CDC42BPB: variants seen among roughly 807,000 people sequenced by gnomAD.
The protein encoded by CDC42BPB is CDC42 binding protein kinase beta.
CDC42BPB carries 37 observed loss-of-function variants against 214.9 expected under a neutral mutation model. The ratio of observed to expected loss-of-function variants is 0.17; its 90% CI spans 0.13 to 0.23. The LOEUF (loss-of-function observed/expected upper bound fraction) is 0.23. CDC42BPB is among the 10% of genes least tolerant of loss of function. CDC42BPB has a pLI of 1.00. For missense variants in CDC42BPB, 1,694 were observed against 2,227.0 expected (o/e 0.76, Z 4.82); for synonymous variants, 931 against 884.0 (o/e 1.05, Z -0.94).
intron 1 of CDC42BPB, among the ~76,000 whole-genome samples, chr14:103,027,533 A>G (rs910287328): frequency 6.6e-6 from 1 of 152,264 alleles, no homozygotes; most frequent in African/African-American, 2.4e-5. Context: ...GAATACTACT[A>G]TTCAGCCAGA....
intron 1 of CDC42BPB, among the ~76,000 whole-genome samples, chr14:103,015,917 T>C (rs1246012797): frequency 6.6e-6 from 1 of 151,690 alleles, no homozygotes; most frequent in Non-Finnish European, 1.5e-5. Context: ...AGGGTTTCAC[T>C]ATGTTACCCA....
At chr14:102,968,096 A>G (rs561159354) in intron 16 of CDC42BPB, among the ~76,000 whole-genome samples, 157 bp downstream of exon 16, 1 of 150,738 alleles carries the variant, frequency 6.6e-6, no homozygotes, top group African/African-American at 2.4e-5. Flanking sequence ...CTCCATCTCA[A>G]AAAAAAAAAA....
chr14:103,050,170 G>C (rs1888523306), intron 1 of CDC42BPB, among the ~76,000 whole-genome samples: 1 of 152,242 alleles, frequency 6.6e-6, no homozygotes, highest in Admixed American at 6.5e-5. Flanking sequence ...GTTTGAGACT[G>C]ATCTGGCAGA....
At chr14:102,973,937 C>T in intron 12 of CDC42BPB, 79 bp downstream of exon 12, 5 of 1,491,966 alleles carry the variant, frequency 3.4e-6, no homozygotes, top group Non-Finnish European at 4.5e-6. Context: ...AAGAGGTCTT[C>T]CATCATCGGC....
At chr14:103,000,876 G>A (rs909442989) in intron 4 of CDC42BPB, among the ~76,000 whole-genome samples, 8 of 152,114 alleles carry the variant, frequency 5.3e-5, no homozygotes, top group African/African-American at 1.2e-4. Flanking sequence ...GGATGGGCCC[G>A]GGGTCTCCCA....
chr14:102,995,756 C>T (rs566529111), intron 5 of CDC42BPB, among the ~76,000 whole-genome samples: 68 of 152,362 alleles, frequency 4.5e-4, no homozygotes, highest in African/African-American at 1.6e-3. Flanking sequence ...GGGCTCCAAA[C>T]CATGCTGTAA....
Position 103,008,460 on chromosome 14 carries a change from C to G in CDC42BPB, c.351+12G>C. 6.4e-7 allele frequency: 1 copy of G among 1,561,066 alleles called. No individual in the cohort carries two copies. The highest frequency in any genetic ancestry group is 8.8e-7 in the Non-Finnish European group (1 of 1,131,588). Reference sequence around the variant, plus strand: ...AGCCCCATTTGTATGGCTTTTCAAGCTCCATACTTACCTCTGCTCTTTTCA... The same window carrying G: ...AGCCCCATTTGTATGGCTTTTCAAGGTCCATACTTACCTCTGCTCTTTTCA... On this transcript the variant is annotated intron_variant, in intron 3 of 36. Coordinates refer to ENST00000361246, the MANE Select transcript of CDC42BPB (RefSeq NM_006035.4).
At chr14:102,974,750 G>T (rs1272073972) in intron 11 of CDC42BPB, among the ~76,000 whole-genome samples, 2 of 152,172 alleles carry the variant, frequency 1.3e-5, no homozygotes, top group Non-Finnish European at 2.9e-5. Context: ...GAGGTCAGGA[G>T]ATCGAGACCA....
In CDC42BPB at chr14:103,008,525, G is replaced by A. The variant is rs2139628971; in HGVS notation, c.298C>T (p.Arg100Ter). ...VAVVKMKNTE[R>*]IYAMKILNKW... ...TTGAGGATTTTCATTGCATAAATTC[G>A]TTCAGTATTCTTCATTTTGACAACA... Residue 100 changes from arginine (R) to a stop codon, truncating the protein, a stop_gained, in exon 3 of 37, where the codon CGA becomes TGA. Coordinates refer to ENST00000361246, the MANE Select transcript of CDC42BPB (RefSeq NM_006035.4). LOFTEE classifies it high-confidence loss of function. 6.2e-7 allele frequency: 1 copy of A among 1,612,196 alleles called. No individual in the cohort carries two copies. Among genetic ancestry groups the A allele is most frequent in the Non-Finnish European group, 8.5e-7 (1 of 1,178,224 alleles).
intron 1 of CDC42BPB, among the ~76,000 whole-genome samples, chr14:103,020,877 A>C (rs1312077831): frequency 6.6e-6 from 1 of 152,238 alleles, no homozygotes; most frequent in African/African-American, 2.4e-5. Flanking sequence ...ATTACACAAA[A>C]TGTGTTTTCT....
At chr14:103,053,640 T>G (rs1037300598) in intron 1 of CDC42BPB, among the ~76,000 whole-genome samples, 1 of 149,784 alleles carries the variant, frequency 6.7e-6, no homozygotes, top group East Asian at 2.1e-4. Flanking sequence ...CGGGCGCCTG[T>G]AGTCCCAGCT....
chr14:103,012,274 TTA>T (rs926310748), intron 1 of CDC42BPB, 86 bp from the exon 2 acceptor site: 3 of 1,480,822 alleles, frequency 2.0e-6, no homozygotes, highest in African/African-American at 2.9e-5. Flanking sequence ...TTGCACTAAG[TTA>T]TACTTTTAAA....
chr14:103,019,060 T>C (rs1216230595), intron 1 of CDC42BPB, among the ~76,000 whole-genome samples: 3 of 152,166 alleles, frequency 2.0e-5, no homozygotes, highest in Admixed American at 6.5e-5. Flanking sequence ...CTTCCCACCT[T>C]GGCCTCCCCA....
chr14:102,964,908 A>ATTTCT (rs763311027), intron 18 of CDC42BPB: 22 of 412,102 alleles, frequency 5.3e-5, no homozygotes, highest in African/African-American at 8.7e-5. Context: ...CTGTAGTGCA[A>ATTTCT]TTTCTTTTCT....
intron 1 of CDC42BPB, among the ~76,000 whole-genome samples, chr14:103,023,623 T>C (rs1044338414): frequency 2.0e-5 from 3 of 152,244 alleles, no homozygotes; most frequent in Admixed American, 2.0e-4. Flanking sequence ...GTTTTTTCTT[T>C]GGTAGAAATT....
rs1317572780 is a variant in CDC42BPB, at chr14:103,008,529, A to G, written c.294T>C (p.Thr98=). The G allele has an allele frequency of 2.4e-5, 38 of 1,612,440 alleles. No homozygotes were observed. The highest frequency in any genetic ancestry group is 3.1e-5 in the Non-Finnish European group (36 of 1,178,508). Residue 98 remains threonine (T), a synonymous_variant, in exon 3 of 37, where the codon ACT becomes ACC. Coordinates refer to ENST00000361246, the MANE Select transcript of CDC42BPB (RefSeq NM_006035.4). ...GGATTTTCATTGCATAAATTCGTTC[A>G]GTATTCTTCATTTTGACAACAGCAA... ...GEVAVVKMKN[T]ERIYAMKILN... is the part of the protein sequence containing the mutation.
chr14:103,029,916 C>T (rs1212866046), intron 1 of CDC42BPB, among the ~76,000 whole-genome samples: 1 of 147,740 alleles, frequency 6.8e-6, no homozygotes, highest in African/African-American at 2.5e-5. Context: ...AGTGGCCAGA[C>T]ACGCATGTGA....
chr14:103,040,376 A>T (rs1887921184), intron 1 of CDC42BPB, among the ~76,000 whole-genome samples: 1 of 152,084 alleles, frequency 6.6e-6, no homozygotes, highest in South Asian at 2.1e-4. Flanking sequence ...TAAAGCAGCA[A>T]ACTTTATGTA....
At chr14:102,946,066 T>C (rs992997958) in intron 28 of CDC42BPB, among the ~76,000 whole-genome samples, 1 of 152,166 alleles carries the variant, frequency 6.6e-6, no homozygotes, top group Non-Finnish European at 1.5e-5. Flanking sequence ...TGGAGTGCAG[T>C]GGTGTGATCT....
Sources: gnomAD v4.1 joint callset for allele counts (sites outside exome capture counted in the v4.1 genomes callset) on GRCh38, gnomAD v4.1.1 for gene constraint, MANE v1.5 for transcripts, NCBI Gene and HGNC (gene_info 2026-07-23, HGNC 2026-07-21) for gene names.